AMBRA1: variants seen among roughly 807,000 people sequenced by gnomAD.
AMBRA1 encodes autophagy and beclin 1 regulator 1.
In AMBRA1, 47 loss-of-function variants were observed where a neutral mutation model predicts 125.4. The ratio of observed to expected loss-of-function variants is 0.37; its 90% CI spans 0.30 to 0.48. The LOEUF (loss-of-function observed/expected upper bound fraction) is 0.48, where lower values mean the gene tolerates loss of function less well. Ranked by LOEUF, AMBRA1 falls within the 20% of genes least tolerant of loss-of-function variation. AMBRA1 has a pLI of 0.99. For synonymous variants in AMBRA1, 626 were observed against 655.5 expected (o/e 0.95, Z 0.69); for missense variants, 1,331 against 1,693.4 (o/e 0.79, Z 3.76).
intron 17 of AMBRA1, among the ~76,000 whole-genome samples, chr11:46,404,399 G>T (rs555013765): frequency 1.3e-5 from 2 of 152,222 alleles, no homozygotes; most frequent in African/African-American, 4.8e-5. Flanking sequence ...CTGATCCCTG[G>T]GCTCCCCTGA....
chr11:46,516,046 T>C (rs1040109166), intron 7 of AMBRA1, among the ~76,000 whole-genome samples: 2 of 151,048 alleles, frequency 1.3e-5, no homozygotes, highest in African/African-American at 2.4e-5. Context: ...GAAGACTTCT[T>C]TAAGTTGGAA....
At chr11:46,502,536 T>G (rs563815821) in intron 9 of AMBRA1, among the ~76,000 whole-genome samples, 1 of 152,282 alleles carries the variant, frequency 6.6e-6, no homozygotes, top group South Asian at 2.1e-4. Flanking sequence ...TATTTGTTAT[T>G]AGAGAGTAGT....
At position 46,586,380 on chromosome 11, in the gene AMBRA1, G is replaced by A. The variant is rs1313614143; in HGVS notation, c.-121+7448C>T. Among the ~76,000 whole-genome samples, 7 of 152,150 alleles carry A rather than the reference G, an allele frequency of 4.6e-5. No individual in the cohort carries two copies. The East Asian group carries it at 1.4e-3, about 30-fold the overall frequency. ...GCCAAGATTGTGCCACCGCACCAGAGCAAGACTGTCTCCAAAAAATAATAA... is the reference window on the plus strand; with the variant it reads ...GCCAAGATTGTGCCACCGCACCAGAACAAGACTGTCTCCAAAAAATAATAA... On this transcript the variant is annotated intron_variant, in intron 1 of 17. Coordinates refer to ENST00000683756, the MANE Select transcript of AMBRA1 (RefSeq NM_001387011.1).
At chr11:46,426,052 C>T (rs1490897122) in intron 14 of AMBRA1, among the ~76,000 whole-genome samples, 4 of 146,226 alleles carry the variant, frequency 2.7e-5, no homozygotes, top group South Asian at 2.1e-4. Flanking sequence ...GAGGCTGAGG[C>T]GAGACTCCAT....
chr11:46,494,257 C>T (rs1950558973), intron 9 of AMBRA1, 53 bp from the exon 10 acceptor site: 1 of 1,460,222 alleles, frequency 6.8e-7, no homozygotes. Context: ...AAGAATCATC[C>T]ACCAGCCCAA....
At chr11:46,400,654 A>AT (rs113238967) in intron 17 of AMBRA1, among the ~76,000 whole-genome samples, 1 of 151,312 alleles carries the variant, frequency 6.6e-6, no homozygotes, top group Admixed American at 6.6e-5. Flanking sequence ...CTCCTGGCTA[A>AT]TTTTTTGTAC....
At chr11:46,543,517 G>A in intron 6 of AMBRA1, 119 bp from the exon 7 acceptor site, 1 of 1,308,216 alleles carries the variant, frequency 7.6e-7, no homozygotes, top group East Asian at 2.4e-5. Flanking sequence ...TTCATAGGTA[G>A]GAAACAACTC....
rs760922916 is a variant in AMBRA1, at chr11:46,408,726, C to G, written c.3210-20G>C. On this transcript the variant is annotated intron_variant, in intron 16 of 17. Coordinates refer to ENST00000683756, the MANE Select transcript of AMBRA1 (RefSeq NM_001387011.1). ...CTGGTTCTAGGGAGAGAAAGGCAGA[C>G]TAAAGTCAGATGGGGCTTGGGACAG... is the stretch of plus-strand genomic sequence containing the variant. 6.6e-7 allele frequency: 1 copy of G among 1,505,784 alleles called. No individual in the cohort carries two copies. Among genetic ancestry groups the G allele is most frequent in the Non-Finnish European group, 8.9e-7 (1 of 1,121,258 alleles). The allele number at this position is 1,505,784 out of a possible 1,614,324, so 93.3% of individuals were successfully genotyped here. A position where few individuals can be genotyped will look rare whatever the true frequency, so the allele number is the denominator to read the frequency against.
chr11:46,449,096 G>C (rs1365701756), intron 11 of AMBRA1, among the ~76,000 whole-genome samples: 1 of 152,106 alleles, frequency 6.6e-6, no homozygotes, highest in Non-Finnish European at 1.5e-5. Flanking sequence ...TCAATGGTGA[G>C]GAACTAGATA....
intron 8 of AMBRA1, among the ~76,000 whole-genome samples, chr11:46,508,918 T>C (rs1013983322): frequency 7.2e-5 from 11 of 152,242 alleles, no homozygotes; most frequent in South Asian, 6.2e-4. Flanking sequence ...AGATTTGTCC[T>C]ACCTCCTTAG....
intron 15 of AMBRA1, among the ~76,000 whole-genome samples, chr11:46,415,220 G>A (rs541557773): frequency 8.7e-4 from 132 of 152,272 alleles, no homozygotes; most frequent in African/African-American, 3.1e-3. Flanking sequence ...TGAGACTGGA[G>A]ACCACTCATC....
chr11:46,567,459 C>T (rs186434975), intron 1 of AMBRA1, among the ~76,000 whole-genome samples: 9 of 152,220 alleles, frequency 5.9e-5, no homozygotes, highest in East Asian at 5.8e-4. Context: ...CTCCACCACC[C>T]GAGTTCAAGC....
At chr11:46,547,421 G>T (rs944355879) in intron 3 of AMBRA1, 125 bp from the exon 4 acceptor site, 10 of 827,254 alleles carry the variant, frequency 1.2e-5, no homozygotes, top group Non-Finnish European at 1.9e-5. Flanking sequence ...ACTAAGCTTT[G>T]TATGTTAGGC....
intron 14 of AMBRA1, 35 bp from the exon 15 acceptor site, chr11:46,418,087 G>T (rs761512291): frequency 6.6e-7 from 1 of 1,517,080 alleles, no homozygotes; most frequent in South Asian, 1.3e-5. Flanking sequence ...AAAGAGAATG[G>T]GAGGAGAAAC....
At chr11:46,565,573 G>A (rs2043493138) in intron 1 of AMBRA1, among the ~76,000 whole-genome samples, 1 of 151,972 alleles carries the variant, frequency 6.6e-6, no homozygotes, top group Non-Finnish European at 1.5e-5. Flanking sequence ...CGGGTGTGGT[G>A]GCATGTACCT....
chr11:46,540,208 A>AAG (rs780001942), intron 7 of AMBRA1, among the ~76,000 whole-genome samples: 4 of 152,230 alleles, frequency 2.6e-5, no homozygotes, highest in Non-Finnish European at 4.4e-5. Flanking sequence ...ATAGCACATG[A>AAG]AGAGGTACTA....
chr11:46,432,822 T>C (rs1199429951), intron 14 of AMBRA1, among the ~76,000 whole-genome samples: 2 of 152,132 alleles, frequency 1.3e-5, no homozygotes, highest in African/African-American at 4.8e-5. Context: ...TGAATCCCCT[T>C]GACAAAACCC....
At chr11:46,466,806 A>G (rs1052835893) in intron 11 of AMBRA1, among the ~76,000 whole-genome samples, 1 of 151,982 alleles carries the variant, frequency 6.6e-6, no homozygotes, top group Non-Finnish European at 1.5e-5. Flanking sequence ...CCCATGACCC[A>G]CCCTCCTTGA....
chr11:46,550,618 T>G (rs954287806), intron 1 of AMBRA1, among the ~76,000 whole-genome samples: 1 of 152,192 alleles, frequency 6.6e-6, no homozygotes, highest in Non-Finnish European at 1.5e-5. Context: ...TATTTCTACA[T>G]GTATTAGCTG....
Sources: allele counts gnomAD v4.1 joint callset (sites outside exome capture counted in the v4.1 genomes callset), GRCh38; gene constraint gnomAD v4.1.1; transcripts MANE v1.5; gene names NCBI Gene and HGNC (gene_info 2026-07-23, HGNC 2026-07-21).